CDH10: variants seen among roughly 807,000 people sequenced by gnomAD.
CDH10 encodes the protein cadherin 10.
Under a neutral mutation model 73.1 loss-of-function variants are expected in CDH10, and 30 were observed. That is an observed-to-expected ratio of 0.41 (90% CI 0.31 to 0.56). The LOEUF is 0.56. Ranked by LOEUF, CDH10 falls within the 20% of genes least tolerant of loss-of-function variation. The pLI is 0.27. For synonymous variants in CDH10, 345 were observed against 348.2 expected (o/e 0.99, Z 0.10); for missense variants, 815 against 973.7 (o/e 0.84, Z 2.17).
intron 8 of CDH10, among the ~76,000 whole-genome samples, chr5:24,503,062 G>A (rs1742553031): frequency 6.6e-6 from 1 of 152,154 alleles, no homozygotes. Context: ...GCAGATGTAA[G>A]AAAGACGCTA....
Position 24,524,425 on chromosome 5 carries a change from G to A in CDH10, c.814+10687C>T, listed in dbSNP as rs980244246. On this transcript the variant is annotated intron_variant, in intron 5 of 11. Coordinates refer to ENST00000264463, the MANE Select transcript of CDH10 (RefSeq NM_006727.5). Reference sequence around the variant, plus strand: ...GAAAGCAGGCATAGATTGTTTATGCGTACACTGACAAAGGCAAATGAGTGC... The same window carrying A: ...GAAAGCAGGCATAGATTGTTTATGCATACACTGACAAAGGCAAATGAGTGC... Among the ~76,000 whole-genome samples, 7 of 152,006 alleles carry A rather than the reference G, an allele frequency of 4.6e-5. No individual in the cohort carries two copies. The East Asian group carries it at 1.2e-3, about 25-fold the overall frequency.
intron 8 of CDH10, among the ~76,000 whole-genome samples, chr5:24,502,548 T>G (rs1742538456): frequency 6.6e-6 from 1 of 152,172 alleles, no homozygotes; most frequent in Non-Finnish European, 1.5e-5. Context: ...AATGGGATCC[T>G]GGCTGTTTGT....
chr5:24,536,908 T>G (rs2111889126), intron 3 of CDH10, among the ~76,000 whole-genome samples: 1 of 152,064 alleles, frequency 6.6e-6, no homozygotes. Context: ...TTATGATGTT[T>G]AATAAAAAAA....
At chr5:24,604,350 A>AAATAC (rs1340718380) in intron 1 of CDH10, among the ~76,000 whole-genome samples, 6 of 152,052 alleles carry the variant, frequency 3.9e-5, no homozygotes, top group Admixed American at 3.3e-4. Context: ...CTGTCTCTAA[A>AAATAC]AATACAATAC....
chr5:24,599,472 G>T (rs1746486100), intron 1 of CDH10, among the ~76,000 whole-genome samples: 1 of 152,114 alleles, frequency 6.6e-6, no homozygotes, highest in Non-Finnish European at 1.5e-5. Flanking sequence ...TTTCTTCTAA[G>T]TTACTTCTAA....
intron 1 of CDH10, among the ~76,000 whole-genome samples, chr5:24,630,709 T>G (rs1747674871): frequency 6.6e-6 from 1 of 151,270 alleles, no homozygotes; most frequent in Admixed American, 6.6e-5. Flanking sequence ...TAAACAGAAC[T>G]CCTAGAAATA....
intron 8 of CDH10, chr5:24,499,418 G>T (rs1301303038): frequency 1.3e-5 from 2 of 152,600 alleles, no homozygotes; most frequent in African/African-American, 4.8e-5. Context: ...ATGCACGATG[G>T]CTCGTGGCTG....
intron 1 of CDH10, among the ~76,000 whole-genome samples, chr5:24,643,322 A>G (rs1176846706): frequency 6.6e-6 from 1 of 152,142 alleles, no homozygotes; most frequent in Non-Finnish European, 1.5e-5. Context: ...TGAAAGTTCT[A>G]CTAATTAAAA....
At chr5:24,640,791 A>C (rs1748023840) in intron 1 of CDH10, among the ~76,000 whole-genome samples, 2 of 151,880 alleles carry the variant, frequency 1.3e-5, no homozygotes, top group South Asian at 4.1e-4. Flanking sequence ...CATAATGTTT[A>C]ACCAATGTCT....
intron 1 of CDH10, among the ~76,000 whole-genome samples, chr5:24,608,091 A>G (rs1475174079): frequency 2.0e-5 from 3 of 152,158 alleles, no homozygotes; most frequent in African/African-American, 7.2e-5. Flanking sequence ...TCATATTTTT[A>G]AACAGTAGTA....
chr5:24,487,567 C>A lies in CDH10; in HGVS notation c.*96G>T. The A allele has an allele frequency of 1.6e-6, 2 of 1,237,998 alleles. No homozygotes were observed. Among genetic ancestry groups the A allele is most frequent in the South Asian group, 3.1e-5 (2 of 65,454 alleles). The allele number at this position is 1,237,998 out of a possible 1,614,324, so 76.7% of individuals were successfully genotyped here. Reference sequence around the variant, plus strand: ...TAAATGAGAAAAAAAATTGTGCTGACTGGCAGGAAAATGCTCCTGAATATC... The same window carrying A: ...TAAATGAGAAAAAAAATTGTGCTGAATGGCAGGAAAATGCTCCTGAATATC... On this transcript the variant is annotated 3_prime_UTR_variant, in exon 12 of 12. Transcript: ENST00000264463.
chr5:24,572,472 G>A (rs1388796629), intron 2 of CDH10, among the ~76,000 whole-genome samples: 3 of 151,784 alleles, frequency 2.0e-5, no homozygotes, highest in African/African-American at 7.3e-5. Context: ...CTGGACCTGA[G>A]GATCTTAAAA....
rs181075664 is a variant in CDH10, at chr5:24,593,706, A to G, written c.-123-93T>C. 264 of 507,708 alleles carry G rather than the reference A, an allele frequency of 5.2e-4. 1 individual carries two copies. Among genetic ancestry groups the G allele is most frequent in the African/African-American group, 5.0e-3 (255 of 50,772 alleles). 31.5% of individuals were successfully genotyped at this position (507,708 alleles called of 1,614,324 possible). ...TTTAAAGTGACAATAGTTTATTAAT[A>G]ACAACCAAAACATTCATTTTCTTTA... On this transcript the variant is annotated intron_variant, in intron 1 of 11. Coordinates refer to ENST00000264463, the MANE Select transcript of CDH10 (RefSeq NM_006727.5).
intron 2 of CDH10, among the ~76,000 whole-genome samples, chr5:24,569,259 G>A (rs553094583): frequency 1.3e-5 from 2 of 152,116 alleles, no homozygotes; most frequent in South Asian, 4.2e-4. Context: ...GGAGATAAAG[G>A]GGAGTTATCG....
chr5:24,638,160 G>GT (rs1747928821), intron 1 of CDH10, among the ~76,000 whole-genome samples: 1 of 151,082 alleles, frequency 6.6e-6, no homozygotes, highest in Non-Finnish European at 1.5e-5. Context: ...CATTTCTGCC[G>GT]TTTTTTTAAG....
chr5:24,487,477 T>A lies in CDH10; in HGVS notation c.*186A>T. On this transcript the variant is annotated 3_prime_UTR_variant, in exon 12 of 12. Coordinates refer to ENST00000264463, the MANE Select transcript of CDH10 (RefSeq NM_006727.5). ...CTCTTGGAAGTGATTAAATAAAATG[T>A]CATATATATTCCATGAGACATCCTA... 3 of 576,262 alleles carry A rather than the reference T, an allele frequency of 5.2e-6. No individual in the cohort carries two copies. Among genetic ancestry groups the A allele is most frequent in the Admixed American group, 3.0e-5 (1 of 33,398 alleles). 35.7% of individuals were successfully genotyped at this position (576,262 alleles called of 1,614,324 possible). A position where few individuals can be genotyped will look rare whatever the true frequency, so the allele number is the denominator to read the frequency against.
intron 1 of CDH10, among the ~76,000 whole-genome samples, chr5:24,643,490 A>G (rs1748123288): frequency 6.6e-6 from 1 of 151,204 alleles, no homozygotes; most frequent in African/African-American, 2.4e-5. Context: ...AACAGTTGTC[A>G]ACATCAGAAG....
chr5:24,565,554 A>C (rs770018778), intron 2 of CDH10, among the ~76,000 whole-genome samples: 2 of 152,192 alleles, frequency 1.3e-5, no homozygotes, highest in Non-Finnish European at 2.9e-5. Context: ...TCAATGTTAA[A>C]ATTTATTATG....
chr5:24,625,574 C>CAT (rs1182822213), intron 1 of CDH10, among the ~76,000 whole-genome samples: 2 of 17,842 alleles, frequency 1.1e-4, no homozygotes, highest in Admixed American at 1.7e-3. Flanking sequence ...CATATATATA[C>CAT]ATATATTCAT....
Sources: allele counts gnomAD v4.1 joint callset (sites outside exome capture counted in the v4.1 genomes callset), GRCh38; gene constraint gnomAD v4.1.1; transcripts MANE v1.5; gene names NCBI Gene and HGNC (gene_info 2026-07-23, HGNC 2026-07-21).